The following SNX29 variants were observed in gnomAD, a reference collection of about 807,000 sequenced individuals.
The protein encoded by SNX29 is sorting nexin 29.
A neutral mutation model predicts 102.1 loss-of-function variants in SNX29; 78 were observed. The observed-to-expected ratio is 0.76, with a 90% CI of 0.64 to 0.92. The LOEUF is 0.92. SNX29 is among the 40% of genes least tolerant of loss of function. The probability of loss-of-function intolerance (pLI) is 0.00; values close to 1 mark genes in which losing one functional copy is unlikely to be tolerated. For synonymous variants in SNX29, 580 were observed against 414.5 expected, an observed-to-expected ratio of 1.40 and a Z score of -4.85; for missense variants, 1,280 against 1,061.7, an observed-to-expected ratio of 1.21 and a Z score of -2.86.
chr16:12,398,846 C>T (rs1026543563), intron 17 of SNX29, among the ~76,000 whole-genome samples: 2 of 145,192 alleles, frequency 1.4e-5, no homozygotes, highest in Non-Finnish European at 3.0e-5. Flanking sequence ...AAGCTATCCC[C>T]TTTGCACAGG....
At chr16:12,216,736 C>T (rs559655860) in intron 14 of SNX29, among the ~76,000 whole-genome samples, 8 of 144,214 alleles carry the variant, frequency 5.5e-5, no homozygotes, top group East Asian at 2.1e-4. Context: ...CCCTACATCT[C>T]GTTTTGGATC....
chr16:12,080,046 T>A (rs1324121428), intron 11 of SNX29, among the ~76,000 whole-genome samples: 2 of 152,206 alleles, frequency 1.3e-5, no homozygotes, highest in Admixed American at 1.3e-4. Context: ...TTAATACATT[T>A]TCCTGAATAG....
chr16:12,546,717 G>A (rs988806195), intron 20 of SNX29: 1 of 152,088 alleles, frequency 6.6e-6, no homozygotes, highest in Non-Finnish European at 1.5e-5. Flanking sequence ...CTATTATTTT[G>A]ACTAGAAAAC....
chr16:12,222,887 T>C (rs2077514977), intron 14 of SNX29, among the ~76,000 whole-genome samples: 1 of 152,156 alleles, frequency 6.6e-6, no homozygotes, highest in African/African-American at 2.4e-5. Flanking sequence ...GCTGTTTTCA[T>C]TTGGATGCTT....
intron 14 of SNX29, among the ~76,000 whole-genome samples, chr16:12,252,715 G>C (rs1287767920): frequency 1.3e-5 from 2 of 152,160 alleles, no homozygotes; most frequent in Non-Finnish European, 2.9e-5. Context: ...CGAGGTGCCT[G>C]GTGCCTGTTC....
At position 12,572,736 on chromosome 16, in the gene SNX29, A is replaced by G. The variant is rs1004810497; in HGVS notation, c.*4107A>G. 431 of 1,063,992 alleles carry G rather than the reference A, an allele frequency of 4.1e-4. No homozygotes were observed. Among genetic ancestry groups the G allele is most frequent in the Non-Finnish European group, 3.8e-4 (331 of 878,534 alleles). The allele number at this position is 1,063,992 out of a possible 1,614,324, so 65.9% of individuals were successfully genotyped here. ...CTTGGCACAGAACTGATGGCAAAGG[A>G]AGGGCTGGGTTTTCAGCTTCTGGGA... is the stretch of plus-strand genomic sequence containing the variant. On this transcript the variant is annotated 3_prime_UTR_variant, in exon 21 of 21. Transcript: ENST00000566228.
chr16:12,565,424 C>G (rs1023416223), intron 20 of SNX29, among the ~76,000 whole-genome samples: 1 of 139,164 alleles, frequency 7.2e-6, no homozygotes, highest in Non-Finnish European at 1.5e-5. Context: ...TGAAGCCCAT[C>G]CTCCCGTGGC....
chr16:12,366,094 G>T (rs1280610585), intron 16 of SNX29, among the ~76,000 whole-genome samples: 1 of 150,580 alleles, frequency 6.6e-6, no homozygotes, highest in Non-Finnish European at 1.5e-5. Context: ...TGAGTGGGGG[G>T]TTTGCATAGT....
chr16:12,027,482 C>T (rs1189148982), intron 4 of SNX29, 38 bp downstream of exon 4: 9 of 1,609,174 alleles, frequency 5.6e-6, no homozygotes, highest in South Asian at 1.1e-5. Flanking sequence ...AGGAGCTTGT[C>T]TTCCTTCTGC....
intron 8 of SNX29, 116 bp downstream of exon 8, chr16:12,052,338 T>C: frequency 2.5e-6 from 3 of 1,200,368 alleles, no homozygotes; most frequent in Non-Finnish European, 3.5e-6. Flanking sequence ...TGCCTCAGCC[T>C]CCCGAGTAGC....
intron 19 of SNX29, among the ~76,000 whole-genome samples, chr16:12,509,056 C>G (rs1419550028): frequency 1.3e-5 from 2 of 152,212 alleles, no homozygotes. Flanking sequence ...ATTATGGTCT[C>G]TCTGCCCACT....
At chr16:11,991,629 G>A (rs1344831910) in intron 1 of SNX29, among the ~76,000 whole-genome samples, 5 of 150,192 alleles carry the variant, frequency 3.3e-5, no homozygotes, top group Middle Eastern at 3.4e-3. Flanking sequence ...TGCAACCTCC[G>A]CCTCCCAGGT....
At chr16:12,553,049 G>C (rs1435166755) in intron 20 of SNX29, among the ~76,000 whole-genome samples, 4 of 152,224 alleles carry the variant, frequency 2.6e-5, no homozygotes, top group Non-Finnish European at 4.4e-5. Context: ...ACACTAATTG[G>C]AGATGGTAAC....
At chr16:12,420,937 A>C (rs961137257) in intron 18 of SNX29, among the ~76,000 whole-genome samples, 20 of 152,348 alleles carry the variant, frequency 1.3e-4, no homozygotes, top group African/African-American at 4.6e-4. Flanking sequence ...TTTGACAGCA[A>C]GATGGGAACA....
At chr16:12,106,545 C>T (rs576314775) in intron 11 of SNX29, among the ~76,000 whole-genome samples, 1 of 152,020 alleles carries the variant, frequency 6.6e-6, no homozygotes, top group Non-Finnish European at 1.5e-5. Flanking sequence ...ATGATGATAC[C>T]TTATGGCAGC....
chr16:12,324,600 G>A (rs1319357515), intron 15 of SNX29, among the ~76,000 whole-genome samples: 1 of 151,986 alleles, frequency 6.6e-6, no homozygotes, highest in Non-Finnish European at 1.5e-5. Context: ...ATTGTACTGG[G>A]TGAGCAAAAC....
intron 19 of SNX29, among the ~76,000 whole-genome samples, chr16:12,484,936 C>T (rs911643910): frequency 6.6e-6 from 1 of 152,208 alleles, no homozygotes; most frequent in Non-Finnish European, 1.5e-5. Context: ...TGTTTCTGTT[C>T]ACTGCTCTGT....
intron 17 of SNX29, among the ~76,000 whole-genome samples, chr16:12,399,709 T>C (rs1327211769): frequency 1.3e-5 from 2 of 151,834 alleles, no homozygotes; most frequent in Non-Finnish European, 2.9e-5. Flanking sequence ...GGGCTATTCA[T>C]GTTGGGGCAG....
At position 12,447,746 on chromosome 16, in the gene SNX29, C is replaced by T. The variant is rs148547486; in HGVS notation, c.2038-29973C>T. Among the ~76,000 whole-genome samples the T allele has an allele frequency of 8.7e-4, 133 of 152,294 alleles. 1 individual carries two copies. The East Asian group carries it at 0.025, about 29-fold the overall frequency. ...CGTGTGTTATTTTTCAAAGCTCTCTCCTGAGATTGTGTTTGTCACTTGGCG... is the reference window on the plus strand; with the variant it reads ...CGTGTGTTATTTTTCAAAGCTCTCTTCTGAGATTGTGTTTGTCACTTGGCG... On this transcript the variant is annotated intron_variant, in intron 18 of 20. Coordinates refer to ENST00000566228, the MANE Select transcript of SNX29 (RefSeq NM_032167.5).
Sources: allele counts gnomAD v4.1 joint callset (sites outside exome capture counted in the v4.1 genomes callset), GRCh38; gene constraint gnomAD v4.1.1; transcripts MANE v1.5; gene names NCBI Gene and HGNC (gene_info 2026-07-23, HGNC 2026-07-21).